AHNAK2: variants seen among roughly 807,000 people sequenced by gnomAD.
AHNAK2 encodes protein AHNAK2.
AHNAK2 carries 18 observed loss-of-function variants against 30.7 expected under a neutral mutation model. The observed-to-expected ratio is 0.59, with a 90% CI of 0.41 to 0.87. The LOEUF (loss-of-function observed/expected upper bound fraction) is 0.87. AHNAK2 is among the 40% of genes least tolerant of loss of function. The pLI, the probability that AHNAK2 is intolerant of heterozygous loss-of-function variation, is 0.00. For missense variants in AHNAK2, 8,604 were observed against 7,373.0 expected (o/e 1.17, Z -6.11); for synonymous variants, 3,590 against 3,073.8 (o/e 1.17, Z -5.56).
In AHNAK2 at chr14:104,954,999, A is replaced by G. The variant is rs771897063; in HGVS notation, c.609T>C (p.Ala203=). ...GTGGGCCGTGCTGGGCATCGCTGGAAGCCCACTCTTCATCCTGTGGGGCAG... is the reference window on the plus strand; with the variant it reads ...GTGGGCCGTGCTGGGCATCGCTGGAGGCCCACTCTTCATCCTGTGGGGCAG... ...QLPAPQDEEW[A]SSDAQHGPQG... The change falls in exon 6 of 7, where the codon GCT becomes GCC. Residue 203 remains alanine (A), a synonymous_variant. Coordinates refer to ENST00000333244, the MANE Select transcript of AHNAK2 (RefSeq NM_138420.4). This position sits in a 1 kb window ranked among gnomAD's most constrained non-coding sequence, Gnocchi z 4.3. The G allele has an allele frequency of 2.5e-5, 40 of 1,613,514 alleles. No individual in the cohort carries two copies. The highest frequency in any genetic ancestry group is 3.2e-5 in the Non-Finnish European group (38 of 1,179,870).
chr14:104,938,697 C>T lies in AHNAK2; in HGVS notation c.16754G>A (p.Gly5585Glu), dbSNP rs112240235. Residue 5585 changes from glycine to glutamate, a missense_variant, in exon 7 of 7, where the codon GGA becomes GAA. Physicochemically the swap from Gly to Glu is moderately conservative, Grantham distance 98 (BLOSUM62 -2). Coordinates refer to ENST00000333244, the MANE Select transcript of AHNAK2 (RefSeq NM_138420.4). ...AACTTCAAATGTGAGTGTTTGCTGT[C>T]CCAGTACATTGACGCTGGAAGAGAT... ...EMISSSVNVL[G>E]QQTLTFEVPS... 1.9e-6 allele frequency: 3 copies of T among 1,613,220 alleles called. No individual in the cohort carries two copies. The highest frequency in any genetic ancestry group is 2.5e-6 in the Non-Finnish European group (3 of 1,179,624).
At chr14:104,963,240 G>A (rs1227808848) in intron 1 of AHNAK2, among the ~76,000 whole-genome samples, 2 of 152,210 alleles carry the variant, frequency 1.3e-5, no homozygotes, top group Non-Finnish European at 1.5e-5. Context: ...CAGTCATCAG[G>A]AAAATGCAAA....
Position 104,943,771 on chromosome 14 carries a change from A to C in AHNAK2, c.11680T>G (p.Phe3894Val). Residue 3894 changes from phenylalanine (F) to valine (V), a missense_variant, in exon 7 of 7, where the codon TTC (phenylalanine) becomes GTC (valine). By Grantham distance (50) the Phe-to-Val change is conservative (BLOSUM62 -1). Coordinates refer to ENST00000333244, the MANE Select transcript of AHNAK2 (RefSeq NM_138420.4). Reference protein sequence around the residue: ...GHLPKVQMPSFKMPKVDLKGP... With the variant: ...GHLPKVQMPSVKMPKVDLKGP... ...TTGAGGTCGACTTTGGGCATCTTGA[A>C]ACTGGGCATCTGCACCTTGGGCAGG... is the stretch of plus-strand genomic sequence containing the variant. 1 of 1,612,310 alleles carries C rather than the reference A, an allele frequency of 6.2e-7. No homozygotes were observed. Among genetic ancestry groups the C allele is most frequent in the Non-Finnish European group, 8.5e-7 (1 of 1,179,282 alleles).
Position 104,950,770 on chromosome 14 carries a change from G to A in AHNAK2, c.4681C>T (p.Leu1561Phe), listed in dbSNP as rs747805904. The change falls in exon 7 of 7, where the codon CTC becomes TTC. Residue 1561 changes from leucine to phenylalanine, a missense_variant. By Grantham distance (22) the Leu-to-Phe change is conservative. Transcript: ENST00000333244. ...CCCTCGGACACAGGGCCCTCTGGGA[G>A]TTTCACGTCCACTTGGCCAGCCTGG... ...EVQAGQVDVKLPEGPVSEGAG... is the reference protein window; with the variant it reads ...EVQAGQVDVKFPEGPVSEGAG... 1.9e-6 allele frequency: 3 copies of A among 1,587,250 alleles called. 1 individual carries two copies.
Position 104,953,121 on chromosome 14 carries a change from T to C in AHNAK2, c.2330A>G (p.Lys777Arg). ...KMPKVDLKGPKLDLKGPKAEV... is the reference protein window; with the variant it reads ...KMPKVDLKGPRLDLKGPKAEV... ...CGCCTTGGGGCCTTTCAGGTCCAGC[T>C]TGGGGCCCTTGAGGTCCACTTTGGG... The change falls in exon 7 of 7, where the codon AAG becomes AGG. Residue 777 changes from lysine (K) to arginine (R), a missense_variant. Physicochemically the swap from Lys to Arg is conservative, Grantham distance 26. Coordinates refer to ENST00000333244, the MANE Select transcript of AHNAK2 (RefSeq NM_138420.4). The C allele has an allele frequency of 6.2e-7, 1 of 1,613,310 alleles. No homozygotes were observed. Among genetic ancestry groups the C allele is most frequent in the Non-Finnish European group, 8.5e-7 (1 of 1,179,698 alleles).
In AHNAK2 at chr14:104,954,608, C is replaced by T. The variant is rs376708808; in HGVS notation, c.843G>A (p.Ser281=). 41 of 1,611,598 alleles carry T rather than the reference C, an allele frequency of 2.5e-5. No homozygotes were observed. The highest frequency in any genetic ancestry group is 7.7e-5 in the South Asian group (7 of 90,858). Residue 281 remains serine (S), a synonymous_variant, in exon 7 of 7, where the codon TCG becomes TCA. Transcript: ENST00000333244. This position sits in a 1 kb window ranked among gnomAD's most constrained non-coding sequence, Gnocchi z 4.3. ...CGTCCCTAGGTTCGTAGGCCTCTGACGAGCTGTGTGACCTCTGGGGTCCCG... is the reference window on the plus strand; with the variant it reads ...CGTCCCTAGGTTCGTAGGCCTCTGATGAGCTGTGTGACCTCTGGGGTCCCG... ...RGPGPQRSHS[S]SEAYEPRDAH...
In AHNAK2 at chr14:104,953,191, G is replaced by A. The variant is rs771091935; in HGVS notation, c.2260C>T (p.Leu754Phe). The change falls in exon 7 of 7, where the codon CTC (leucine) becomes TTC (phenylalanine). Residue 754 changes from leucine to phenylalanine, a missense_variant. Transcript: ENST00000333244. ...TGCACCTTGGGCAGGTGCCCTTTGAGGCTGGCTCCCTCGGGCAGGGGGCCC... is the reference window on the plus strand; with the variant it reads ...TGCACCTTGGGCAGGTGCCCTTTGAAGCTGGCTCCCTCGGGCAGGGGGCCC... ...PEGPLPEGAS[L>F]KGHLPKVQRP... The A allele has an allele frequency of 1.3e-5, 21 of 1,612,828 alleles. No homozygotes were observed. Among genetic ancestry groups the A allele is most frequent in the South Asian group, 1.2e-4 (11 of 91,042 alleles).
Position 104,939,815 on chromosome 14 carries a change from C to T in AHNAK2, c.15636G>A (p.Lys5212=). The change falls in exon 7 of 7, where the codon AAG becomes AAA. Residue 5212 remains lysine, a synonymous_variant. Transcript: ENST00000333244. ...GTGCCTGTGTCTGAGCCACTTCCAGCTTTCCAGCCCCGCCTCTGTCCCTGA... is the reference window on the plus strand; with the variant it reads ...GTGCCTGTGTCTGAGCCACTTCCAGTTTTCCAGCCCCGCCTCTGTCCCTGA... ...RSFRDRGGAG[K]LEVAQTQAPA... is the part of the protein sequence containing the mutation. The T allele has an allele frequency of 1.9e-6, 3 of 1,613,646 alleles. No individual in the cohort carries two copies. Among genetic ancestry groups the T allele is most frequent in the Non-Finnish European group, 2.5e-6 (3 of 1,179,902 alleles).
Position 104,951,145 on chromosome 14 carries a change from G to A in AHNAK2, c.4306C>T (p.Pro1436Ser), listed in dbSNP as rs571117251. ...LKGPEIDIKG[P>S]KLDLKDPKVE... ...TTGGGGTCTTTTAGGTCCAGCTTGG[G>A]GCCCTTGATGTCTATTTCAGGGCCC... is the stretch of plus-strand genomic sequence containing the variant. Residue 1436 changes from proline (P) to serine (S), a missense_variant, in exon 7 of 7, where the codon CCC becomes TCC. Coordinates refer to ENST00000333244, the MANE Select transcript of AHNAK2 (RefSeq NM_138420.4). 9.4e-7 allele frequency: 1 copy of A among 1,068,748 alleles called. No homozygotes were observed. Among genetic ancestry groups the A allele is most frequent in the Admixed American group, 2.1e-5 (1 of 47,088 alleles). The allele number at this position is 1,068,748 out of a possible 1,614,324, so 66.2% of individuals were successfully genotyped here.
rs746866778 is a variant in AHNAK2 at position 104,944,072 on chromosome 14, G to T, written c.11379C>A (p.Asp3793Glu). Residue 3793 changes from aspartate to glutamate, a missense_variant, in exon 7 of 7, where the codon GAC becomes GAA. Physicochemically the swap from Asp to Glu is conservative, Grantham distance 45 (BLOSUM62 2). Coordinates refer to ENST00000333244, the MANE Select transcript of AHNAK2 (RefSeq NM_138420.4). ...TGCTGTCTTTGGCAGTCACATCCTT[G>T]TCGGCCAGGGACAGGTCCCCCTCCA... ...AQLEGDLSLA[D>E]KDVTAKDSKF... The T allele has an allele frequency of 9.9e-6, 16 of 1,613,194 alleles. No homozygotes were observed. The African/African-American group carries it at 1.1e-4, about 11-fold the overall frequency.
chr14:104,938,777 T>C lies in AHNAK2; in HGVS notation c.16674A>G (p.Gly5558=). The stretch of plus-strand genomic sequence containing the variant: ...GGAGATCTCCAGAAATGGAGTCTAC[T>C]CCTGGGGTGGCTTGTATGGGAGCCT... ...TEEAPIQATP[G]VDSISGDLQP... The change falls in exon 7 of 7, where the codon GGA becomes GGG. Residue 5558 remains glycine, a synonymous_variant. Coordinates refer to ENST00000333244, the MANE Select transcript of AHNAK2 (RefSeq NM_138420.4). The C allele has an allele frequency of 1.9e-6, 3 of 1,613,976 alleles. No individual in the cohort carries two copies. Among genetic ancestry groups the C allele is most frequent in the African/African-American group, 1.3e-5 (1 of 75,046 alleles).
chr14:104,949,564 C>A lies in AHNAK2; in HGVS notation c.5887G>T (p.Ala1963Ser), dbSNP rs746751645. Residue 1963 changes from alanine (A) to serine (S), a missense_variant, in exon 7 of 7, where the codon GCT (alanine) becomes TCT (serine). Coordinates refer to ENST00000333244, the MANE Select transcript of AHNAK2 (RefSeq NM_138420.4). ...TCCAGCCGCGCACCATCCAGCTTAG[C>A]CTTCTGGGCCTGGACATCCACCTCC... Reference protein sequence around the residue: ...SMEVDVQAQKAKLDGARLEGD... With the variant: ...SMEVDVQAQKSKLDGARLEGD... 1 of 1,588,396 alleles carries A rather than the reference C, an allele frequency of 6.3e-7. No individual in the cohort carries two copies.
intron 1 of AHNAK2, among the ~76,000 whole-genome samples, chr14:104,977,158 C>T (rs1258110290): frequency 2.0e-5 from 3 of 152,222 alleles, no homozygotes; most frequent in Non-Finnish European, 2.9e-5. Context: ...TCACCTGCAG[C>T]ATTGTCGGCA....
rs772277323 is a variant in AHNAK2 at position 104,951,719 on chromosome 14, C to T, written c.3732G>A (p.Gly1244=). ...TAGGCATCTGCACCTTGGGCAGGTG[C>T]CCTTTGAAGCCGGCTCCCTCAGGCA... is the stretch of plus-strand genomic sequence containing the variant. ...GHVPEGAGFK[G]HLPKVQMPSL... The change falls in exon 7 of 7, where the codon GGG becomes GGA. Residue 1244 remains glycine (G), a synonymous_variant. Coordinates refer to ENST00000333244, the MANE Select transcript of AHNAK2 (RefSeq NM_138420.4). The T allele has an allele frequency of 1.7e-5, 21 of 1,246,696 alleles. 4 individuals are homozygous for T. Among genetic ancestry groups the T allele is most frequent in the African/African-American group, 5.7e-5 (4 of 70,758 alleles). The allele number at this position is 1,246,696 out of a possible 1,614,324, so 77.2% of individuals were successfully genotyped here.
Position 104,952,505 on chromosome 14 carries a change from C to G in AHNAK2, c.2946G>C (p.Gly982=), listed in dbSNP as rs749967968. Residue 982 remains glycine (G), a synonymous_variant, in exon 7 of 7, where the codon GGG becomes GGC. Transcript: ENST00000333244. ...CGTCCTTGTCGGCCAGGGACAGGTC[C>G]CCCTCCAGCCACGCACCATCCAGCT... ...KAKLDGAWLE[G]DLSLADKDVT... is the part of the protein sequence containing the mutation. The G allele has an allele frequency of 5.6e-6, 9 of 1,612,650 alleles. No individual in the cohort carries two copies. In the South Asian group the frequency reaches 6.6e-5, roughly 12 times the overall value.
Position 104,948,075 on chromosome 14 carries a change from T to G in AHNAK2, c.7376A>C (p.Lys2459Thr). The G allele has an allele frequency of 6.2e-7, 1 of 1,612,996 alleles. No homozygotes were observed. Among genetic ancestry groups the G allele is most frequent in the Non-Finnish European group, 8.5e-7 (1 of 1,179,696 alleles). ...CCCCTCCAGCCACGCACCATCCAGC[T>G]TGGCTCCCGGGGCCTCGACATCCAC... Reference protein sequence around the residue: ...VEVDVEAPGAKLDGAWLEGDL... With the variant: ...VEVDVEAPGATLDGAWLEGDL... The change falls in exon 7 of 7, where the codon AAG becomes ACG. Residue 2459 changes from lysine to threonine, a missense_variant. Lys to Thr is a moderately conservative substitution (Grantham distance 78, BLOSUM62 -1). Transcript: ENST00000333244.
chr14:104,955,209 G>C (rs1566921562), intron 5 of AHNAK2, 68 bp from the exon 6 acceptor site: 2 of 1,523,030 alleles, frequency 1.3e-6, no homozygotes, highest in Non-Finnish European at 1.8e-6. Context: ...TCTTGCCTTG[G>C]CTGGCGAGGA....
Position 104,947,326 on chromosome 14 carries a change from C to T in AHNAK2, c.8125G>A (p.Ala2709Thr), listed in dbSNP as rs773586005. The T allele has an allele frequency of 9.3e-6, 15 of 1,612,286 alleles. No individual in the cohort carries two copies. The highest frequency in any genetic ancestry group is 1.3e-5 in the Non-Finnish European group (15 of 1,179,576). The stretch of plus-strand genomic sequence containing the variant: ...GGGAGTTTCACATCCACCTGGCCAG[C>T]CTGGACCTCCAGTTGGGCAGAGGGG... Reference protein sequence around the residue: ...QPPSAQLEVQAGQVDVKLPEG... With the variant: ...QPPSAQLEVQTGQVDVKLPEG... Residue 2709 changes from alanine to threonine, a missense_variant, in exon 7 of 7, where the codon GCT becomes ACT. By Grantham distance (58) the Ala-to-Thr change is moderately conservative. Coordinates refer to ENST00000333244, the MANE Select transcript of AHNAK2 (RefSeq NM_138420.4).
At position 104,943,368 on chromosome 14, in the gene AHNAK2, T is replaced by C. The variant is rs749575197; in HGVS notation, c.12083A>G (p.Gln4028Arg). Residue 4028 changes from glutamine to arginine, a missense_variant, in exon 7 of 7, where the codon CAG (glutamine) becomes CGG (arginine). Coordinates refer to ENST00000333244, the MANE Select transcript of AHNAK2 (RefSeq NM_138420.4). Reference protein sequence around the residue: ...VQPPSADLEVQAGQVDVKLPE... With the variant: ...VQPPSADLEVRAGQVDVKLPE... ...GAGTTTCACGTCCACTTGGCCAGCCTGGACCTCCAGGTCAGCGGAAGGGGG... is the reference window on the plus strand; with the variant it reads ...GAGTTTCACGTCCACTTGGCCAGCCCGGACCTCCAGGTCAGCGGAAGGGGG... 1.2e-6 allele frequency: 2 copies of C among 1,612,818 alleles called. No individual in the cohort carries two copies. The highest frequency in any genetic ancestry group is 1.7e-5 in the Admixed American group (1 of 59,936).
Sources: allele counts gnomAD v4.1 joint callset (sites outside exome capture counted in the v4.1 genomes callset), GRCh38; gene constraint gnomAD v4.1.1; non-coding constraint Gnocchi (gnomAD v3.1); transcripts MANE v1.5; gene names NCBI Gene and HGNC (gene_info 2026-07-23, HGNC 2026-07-21).